SMAP2: variants seen among roughly 807,000 people sequenced by gnomAD.
The protein encoded by SMAP2 is stromal membrane-associated protein 2.
A neutral mutation model predicts 56.4 loss-of-function variants in SMAP2; 25 were observed. That is an observed-to-expected ratio of 0.44 (90% CI 0.32 to 0.62). The LOEUF is 0.62. SMAP2 is among the 20% of genes least tolerant of loss of function. The pLI is 0.04. For missense variants in SMAP2, 388 were observed against 545.6 expected, an observed-to-expected ratio of 0.71 and a Z score of 2.88; for synonymous variants, 157 against 181.7, an observed-to-expected ratio of 0.86 and a Z score of 1.09.
At chr1:40,352,567 CT>C (rs1463473271) in intron 1 of SMAP2, among the ~76,000 whole-genome samples, 1 of 151,918 alleles carries the variant, frequency 6.6e-6, no homozygotes, top group Non-Finnish European at 1.5e-5. Context: ...AAGACAGGAT[CT>C]TGCTCTGTCA....
intron 1 of SMAP2, among the ~76,000 whole-genome samples, chr1:40,390,406 CTCACTTAGAAGG>C (rs1253206181): frequency 6.6e-6 from 1 of 152,182 alleles, no homozygotes; most frequent in Non-Finnish European, 1.5e-5. Flanking sequence ...GGCTCATTTG[CTCACTTAGAAGG>C]TTTTATGTAG....
chr1:40,350,462 G>A (rs1393157221), intron 1 of SMAP2, among the ~76,000 whole-genome samples: 2 of 152,188 alleles, frequency 1.3e-5, no homozygotes, highest in Non-Finnish European at 2.9e-5. Context: ...AGAACTTCCA[G>A]AACAGAAGAG....
At position 40,422,031 on chromosome 1, in the gene SMAP2, A is replaced by C. The variant is rs1645048404; in HGVS notation, c.1220A>C (p.Tyr407Ser). 3 of 1,614,066 alleles carry C rather than the reference A, an allele frequency of 1.9e-6. No homozygotes were observed. The South Asian group carries it at 3.3e-5, about 18-fold the overall frequency. The part of the protein sequence containing the change: ...NFYGANGMMN[Y>S]GQSMSGGNGQ... ...TATGGAGCCAATGGCATGATGAACTATGGACAGTCAATGAGTGGCGGAAAT... is the reference window on the plus strand; with the variant it reads ...TATGGAGCCAATGGCATGATGAACTCTGGACAGTCAATGAGTGGCGGAAAT... The change falls in exon 10 of 10, where the codon TAT becomes TCT. Residue 407 changes from tyrosine to serine, a missense_variant. Physicochemically the swap from Tyr to Ser is moderately radical, Grantham distance 144. Coordinates refer to ENST00000372718, the MANE Select transcript of SMAP2 (RefSeq NM_022733.3).
chr1:40,372,469 A>G (rs887991635), upstream of SMAP2, among the ~76,000 whole-genome samples: 13 of 152,250 alleles, frequency 8.5e-5, no homozygotes, highest in African/African-American at 2.2e-4. Context: ...GTCTATTTCA[A>G]CTGAAAAATG....
chr1:40,398,555 T>G (rs975268701), intron 1 of SMAP2, among the ~76,000 whole-genome samples: 4 of 152,262 alleles, frequency 2.6e-5, no homozygotes, highest in Non-Finnish European at 4.4e-5. Flanking sequence ...TGTAACCTAT[T>G]AATGTTTCTA....
At position 40,374,092 on chromosome 1, in the gene SMAP2, C is replaced by T. The variant is rs769773016; in HGVS notation, c.-29C>T. Reference sequence around the variant, plus strand: ...GTCTCTGGGGGCGAGGAGGGCGCGTCGCCCTCTGCCCCCGCCGGCACCCTG... The same window carrying T: ...GTCTCTGGGGGCGAGGAGGGCGCGTTGCCCTCTGCCCCCGCCGGCACCCTG... On this transcript the variant is annotated 5_prime_UTR_variant, in exon 1 of 10. Coordinates refer to ENST00000372718, the MANE Select transcript of SMAP2 (RefSeq NM_022733.3). This position sits in a 1 kb window ranked among gnomAD's most constrained non-coding sequence, Gnocchi z 5.9. 4.5e-6 allele frequency: 7 copies of T among 1,569,596 alleles called. No homozygotes were observed. The Admixed American group carries it at 1.2e-4, about 28-fold the overall frequency.
At chr1:40,402,316 T>C (rs553184172) in intron 1 of SMAP2, among the ~76,000 whole-genome samples, 3 of 152,298 alleles carry the variant, frequency 2.0e-5, no homozygotes, top group East Asian at 3.9e-4. Flanking sequence ...CTTAGACATT[T>C]ATCTTTTCTT....
chr1:40,416,208 C>T lies in SMAP2; in HGVS notation c.714C>T (p.Ala238=), dbSNP rs778602937. 1.3e-5 allele frequency: 21 copies of T among 1,613,988 alleles called. No individual in the cohort carries two copies. Among genetic ancestry groups the T allele is most frequent in the Admixed American group, 1.7e-5 (1 of 60,000 alleles). ...GTTCCATGCCAACTGCAGGGAGTGC[C>T]GGCTCTGTTCCTGAAAATCTGAACC... is the stretch of plus-strand genomic sequence containing the variant. ...VVGSMPTAGS[A]GSVPENLNLF... Residue 238 remains alanine (A), a synonymous_variant, in exon 8 of 10, where the codon GCC becomes GCT. Transcript: ENST00000372718.
intron 1 of SMAP2, chr1:40,344,978 CTCTT>C (rs936856577): frequency 7.4e-6 from 1 of 134,528 alleles, no homozygotes; most frequent in African/African-American, 2.7e-5. Context: ...TTCTTTCTTT[CTCTT>C]TCTTTTTCTT....
At chr1:40,417,851 C>T (rs2235703) in intron 9 of SMAP2, among the ~76,000 whole-genome samples, 8,223 of 152,176 alleles carry the variant, frequency 0.054, 356 homozygotes, top group East Asian at 0.19. Flanking sequence ...AACCACTTCA[C>T]TAATAAAAGA....
chr1:40,384,909 T>C (rs1051463642), intron 1 of SMAP2, among the ~76,000 whole-genome samples: 1 of 152,180 alleles, frequency 6.6e-6, no homozygotes, highest in Non-Finnish European at 1.5e-5. Context: ...ATTTAATAAA[T>C]ATAATATTTC....
chr1:40,388,140 T>A (rs1335013154), intron 1 of SMAP2, among the ~76,000 whole-genome samples: 1 of 152,018 alleles, frequency 6.6e-6, no homozygotes, highest in Admixed American at 6.5e-5. Flanking sequence ...TCCCCCCACC[T>A]CTGTGGGCTC....
At chr1:40,395,517 A>T (rs1644762124) in intron 1 of SMAP2, among the ~76,000 whole-genome samples, 1 of 150,498 alleles carries the variant, frequency 6.6e-6, no homozygotes, top group South Asian at 2.1e-4. Flanking sequence ...CCTCACCTCT[A>T]CAAAATAATA....
At chr1:40,371,158 C>T (rs1019640120), upstream of SMAP2, among the ~76,000 whole-genome samples, 8 of 151,608 alleles carry the variant, frequency 5.3e-5, no homozygotes, top group Non-Finnish European at 7.4e-5. Context: ...GGCGACAGAG[C>T]GAGACTCGGT....
chr1:40,373,188 G>C (rs1050757273), upstream of SMAP2, among the ~76,000 whole-genome samples: 2 of 152,222 alleles, frequency 1.3e-5, no homozygotes, highest in African/African-American at 4.8e-5. Flanking sequence ...AGTCACAGAG[G>C]AGAGCTAATG....
rs1168852762 is a variant in SMAP2, at chr1:40,416,189, T to C, written c.695T>C (p.Met232Thr). Residue 232 changes from methionine (M) to threonine (T), a missense_variant, in exon 8 of 10, where the codon ATG (methionine) becomes ACG (threonine). Coordinates refer to ENST00000372718, the MANE Select transcript of SMAP2 (RefSeq NM_022733.3). ...CTTTGCCCTAAGGTTGTAGGTTCCA[T>C]GCCAACTGCAGGGAGTGCCGGCTCT... ...SSGSRKVVGS[M>T]PTAGSAGSVP... 1 of 1,613,788 alleles carries C rather than the reference T, an allele frequency of 6.2e-7. No homozygotes were observed. The highest frequency in any genetic ancestry group is 8.5e-7 in the Non-Finnish European group (1 of 1,179,902).
intron 1 of SMAP2, among the ~76,000 whole-genome samples, chr1:40,393,755 A>G (rs974857324): frequency 1.3e-5 from 2 of 152,212 alleles, no homozygotes; most frequent in East Asian, 3.9e-4. Flanking sequence ...CATGTTGGCC[A>G]GGCTGGTCTT....
At chr1:40,396,769 CAT>C (rs1365554707) in intron 1 of SMAP2, 30 of 845,430 alleles carry the variant, frequency 3.5e-5, no homozygotes, top group South Asian at 2.7e-4. Flanking sequence ...TGGATGAAAA[CAT>C]AGAGGTAAAC....
intron 1 of SMAP2, among the ~76,000 whole-genome samples, chr1:40,358,185 A>C (rs1290870496): frequency 6.6e-6 from 1 of 152,114 alleles, no homozygotes; most frequent in African/African-American, 2.4e-5. Flanking sequence ...ATTTGTAGCT[A>C]TTGTAAATGG....
Sources: allele counts gnomAD v4.1 joint callset (sites outside exome capture counted in the v4.1 genomes callset), GRCh38; gene constraint gnomAD v4.1.1; non-coding constraint Gnocchi (gnomAD v3.1); transcripts MANE v1.5; gene names NCBI Gene and HGNC (gene_info 2026-07-23, HGNC 2026-07-21).